Variants in ERBIN observed in about 807,000 individuals in gnomAD.
ERBIN encodes the protein densin-180-like protein.
In ERBIN, 60 loss-of-function variants were observed where a neutral mutation model predicts 158.4. The ratio of observed to expected loss-of-function variants is 0.38; its 90% CI spans 0.31 to 0.47. ERBIN has a LOEUF of 0.47. ERBIN is among the 20% of genes least tolerant of loss of function. The pLI is 0.99. For missense variants in ERBIN, 1,610 were observed against 1,648.0 expected, an observed-to-expected ratio of 0.98 and a Z score of 0.40; for synonymous variants, 594 against 557.2, an observed-to-expected ratio of 1.07 and a Z score of -0.93.
intron 1 of ERBIN, among the ~76,000 whole-genome samples, chr5:65,952,598 A>G (rs994878288): frequency 2.0e-5 from 3 of 151,950 alleles, no homozygotes; most frequent in Admixed American, 1.3e-4. Context: ...TTAAACTTTG[A>G]GATACTTTCC....
chr5:65,962,425 A>G (rs1293099504), intron 1 of ERBIN, among the ~76,000 whole-genome samples: 3 of 152,186 alleles, frequency 2.0e-5, no homozygotes, highest in African/African-American at 7.2e-5. Flanking sequence ...GGTGTGGAAT[A>G]ACTAAAACCA....
At chr5:65,966,652 C>G (rs963583240) in intron 1 of ERBIN, among the ~76,000 whole-genome samples, 20 of 137,052 alleles carry the variant, frequency 1.5e-4, no homozygotes, top group African/African-American at 5.6e-4. Context: ...TGCACTCCAG[C>G]CTGGGCAACA....
chr5:65,965,213 G>C (rs1284993224), intron 1 of ERBIN, among the ~76,000 whole-genome samples: 3 of 123,652 alleles, frequency 2.4e-5, no homozygotes, highest in Non-Finnish European at 5.4e-5. Context: ...GTGGGTACTT[G>C]GTCTGTTTGG....
At chr5:66,074,589 G>A (rs1761818091) in intron 22 of ERBIN, among the ~76,000 whole-genome samples, 1 of 152,136 alleles carries the variant, frequency 6.6e-6, no homozygotes, top group East Asian at 1.9e-4. Context: ...GTCAGCAAAT[G>A]TACCTTTTGT....
At position 66,048,801 on chromosome 5, in the gene ERBIN, T is replaced by C. The variant is rs759501683; in HGVS notation, c.1903+20T>C. ...AAAAAGGTTAGATGTTAAAGGAAAG[T>C]GCTAAGAATAGAAATTGCCTCAATA... On this transcript the variant is annotated intron_variant, in intron 19 of 25. Coordinates refer to ENST00000284037, the MANE Select transcript of ERBIN (RefSeq NM_001253697.2). 6 of 1,404,972 alleles carry C rather than the reference T, an allele frequency of 4.3e-6. No homozygotes were observed. The highest frequency in any genetic ancestry group is 5.8e-6 in the Non-Finnish European group (6 of 1,026,208). The allele number at this position is 1,404,972 out of a possible 1,614,324, so 87.0% of individuals were successfully genotyped here.
At chr5:66,063,955 ATC>A (rs1260188416) in intron 21 of ERBIN, among the ~76,000 whole-genome samples, 6 of 152,324 alleles carry the variant, frequency 3.9e-5, no homozygotes, top group East Asian at 3.9e-4. Flanking sequence ...ATTATTAATC[ATC>A]TCTTCTTCAG....
At chr5:66,049,663 A>G (rs1758820033) in intron 19 of ERBIN, among the ~76,000 whole-genome samples, 1 of 152,122 alleles carries the variant, frequency 6.6e-6, no homozygotes. Flanking sequence ...CTGTAAATAC[A>G]ATCCGGACTA....
At chr5:65,955,919 TA>T (rs1352043380) in intron 1 of ERBIN, among the ~76,000 whole-genome samples, 3 of 152,258 alleles carry the variant, frequency 2.0e-5, no homozygotes, top group Non-Finnish European at 4.4e-5. Context: ...CAGGGCAAGA[TA>T]TGAATTATCC....
At chr5:65,930,693 T>G (rs1292829706) in intron 1 of ERBIN, among the ~76,000 whole-genome samples, 2 of 152,222 alleles carry the variant, frequency 1.3e-5, no homozygotes, top group Non-Finnish European at 2.9e-5. Context: ...TACCAGGTTG[T>G]TATTTATTCT....
Position 65,972,783 on chromosome 5 carries a change from C to T in ERBIN, c.-57-15852C>T, listed in dbSNP as rs1204754143. The stretch of plus-strand genomic sequence containing the variant: ...GGTATTTTAAAGCTTTACTTATAAG[C>T]GGTAATAATTAACCTTTGAAAATCC... On this transcript the variant is annotated intron_variant, in intron 1 of 25. Transcript: ENST00000284037. Among the ~76,000 whole-genome samples the T allele has an allele frequency of 7.9e-5, 12 of 151,180 alleles. 1 individual carries two copies. In the South Asian group the frequency reaches 1.0e-3, roughly 13 times the overall value.
At chr5:66,011,788 T>C (rs1161030303) in intron 4 of ERBIN, among the ~76,000 whole-genome samples, 5 of 152,162 alleles carry the variant, frequency 3.3e-5, no homozygotes, top group African/African-American at 9.7e-5. Context: ...ACATCACATG[T>C]AGAAGGCACT....
At chr5:65,992,106 T>C (rs1284760676) in intron 2 of ERBIN, among the ~76,000 whole-genome samples, 1 of 152,144 alleles carries the variant, frequency 6.6e-6, no homozygotes, top group Non-Finnish European at 1.5e-5. Flanking sequence ...ATCTTCGTCT[T>C]ATTAGAGTTT....
chr5:65,976,216 A>G (rs1341901024), intron 1 of ERBIN, among the ~76,000 whole-genome samples: 1 of 152,140 alleles, frequency 6.6e-6, no homozygotes, highest in East Asian at 1.9e-4. Flanking sequence ...GCTTACACCT[A>G]TAATCCCAGC....
rs188431833 is a variant in ERBIN, at chr5:66,062,487, A to G, written c.3633+7536A>G. Among the ~76,000 whole-genome samples the G allele has an allele frequency of 1.7e-3, 266 of 152,056 alleles. 1 individual carries two copies. Among genetic ancestry groups the G allele is most frequent in the Middle Eastern group, 3.4e-3 (1 of 294 alleles). On this transcript the variant is annotated intron_variant, in intron 21 of 25. Coordinates refer to ENST00000284037, the MANE Select transcript of ERBIN (RefSeq NM_001253697.2). ...TTTAACTTCTTTGCCATTGGTTTGA[A>G]CTTCCTCCTTTAGCTCGGAGTAGTT...
chr5:65,930,328 T>A (rs1459200011), intron 1 of ERBIN, among the ~76,000 whole-genome samples: 1 of 152,192 alleles, frequency 6.6e-6, no homozygotes. Context: ...TATTTTGAGA[T>A]GGAGTCTTGC....
intron 1 of ERBIN, among the ~76,000 whole-genome samples, chr5:65,936,614 G>C (rs1022070442): frequency 6.6e-6 from 1 of 152,098 alleles, no homozygotes. Context: ...AATTTCTGTC[G>C]ATTCTGTCTT....
chr5:65,988,091 C>A (rs1394402058), intron 1 of ERBIN, among the ~76,000 whole-genome samples: 1 of 152,118 alleles, frequency 6.6e-6, no homozygotes, highest in African/African-American at 2.4e-5. Flanking sequence ...AGCCATTTGG[C>A]TGGGTGCAGT....
chr5:66,000,772 G>A (rs934583733), intron 4 of ERBIN, among the ~76,000 whole-genome samples: 4 of 152,132 alleles, frequency 2.6e-5, no homozygotes, highest in African/African-American at 7.2e-5. Context: ...TTGAATTGAT[G>A]TCTAAGTGAA....
chr5:66,019,312 A>G (rs1189048026), intron 7 of ERBIN, among the ~76,000 whole-genome samples: 3 of 152,224 alleles, frequency 2.0e-5, no homozygotes, highest in Non-Finnish European at 4.4e-5. Flanking sequence ...AGATTAGAGC[A>G]ATGGAAAGAG....
Sources: allele counts gnomAD v4.1 joint callset (sites outside exome capture counted in the v4.1 genomes callset), GRCh38; gene constraint gnomAD v4.1.1; transcripts MANE v1.5; gene names NCBI Gene and HGNC (gene_info 2026-07-23, HGNC 2026-07-21).